The following IGSF10 variants were observed in gnomAD, a reference collection of about 807,000 sequenced individuals.
IGSF10 encodes the protein immunoglobulin superfamily member 10.
Under a neutral mutation model 128.2 loss-of-function variants are expected in IGSF10, and 126 were observed. The ratio of observed to expected loss-of-function variants is 0.98; its 90% CI spans 0.85 to 1.14. The LOEUF (loss-of-function observed/expected upper bound fraction) is 1.14, where lower values mean the gene tolerates loss of function less well. Ranked by LOEUF, IGSF10 falls within the 50% of genes most tolerant of loss-of-function variation. The pLI, the probability that IGSF10 is intolerant of heterozygous loss-of-function variation, is 0.00. For missense variants in IGSF10, 3,295 were observed against 3,149.8 expected (o/e 1.05, Z -1.10); for synonymous variants, 1,185 against 1,146.2 (o/e 1.03, Z -0.68).
the IGSF10 span, among the ~76,000 whole-genome samples, chr3:151,510,173 C>A: frequency 1.3e-5 from 2 of 152,236 alleles, no homozygotes; most frequent in African/African-American, 4.8e-5. Flanking sequence ...GGACAGACTG[C>A]CTCTTCAAGT....
chr3:151,527,442 G>C, the IGSF10 span, among the ~76,000 whole-genome samples: 1 of 152,110 alleles, frequency 6.6e-6, no homozygotes, highest in African/African-American at 2.4e-5. Flanking sequence ...TTATATAGCA[G>C]TGATAAGGCA....
chr3:151,468,753 C>T, the IGSF10 span, among the ~76,000 whole-genome samples: 2 of 152,120 alleles, frequency 1.3e-5, no homozygotes, highest in Admixed American at 6.5e-5. Context: ...ATTTATTTTA[C>T]GTTCCAGGAT....
At chr3:151,518,751 G>A in the IGSF10 span, among the ~76,000 whole-genome samples, 1 of 151,890 alleles carries the variant, frequency 6.6e-6, no homozygotes, top group Non-Finnish European at 1.5e-5. Context: ...CAAAAGTTTT[G>A]TACTGAGAGA....
At chr3:151,527,991 C>T in the IGSF10 span, among the ~76,000 whole-genome samples, 3 of 152,080 alleles carry the variant, frequency 2.0e-5, no homozygotes, top group African/African-American at 7.2e-5. Context: ...ATTTTAACTT[C>T]ATCAATTAAT....
the IGSF10 span, among the ~76,000 whole-genome samples, chr3:151,534,705 A>G: frequency 6.6e-6 from 1 of 152,010 alleles, no homozygotes; most frequent in South Asian, 2.1e-4. Context: ...CCCAATGTAG[A>G]TGACGGGTCA....
downstream of IGSF10, chr3:151,432,902 ATTTC>A: frequency 1.1e-6 from 1 of 900,836 alleles, no homozygotes; most frequent in Non-Finnish European, 1.7e-6. Flanking sequence ...CCTTTTTTTC[ATTTC>A]TTTGACATTT....
chr3:151,472,291 T>C, the IGSF10 span, among the ~76,000 whole-genome samples: 5 of 152,220 alleles, frequency 3.3e-5, no homozygotes, highest in Admixed American at 2.6e-4. Context: ...TGCAATAGTT[T>C]GCATGTTTTC....
the IGSF10 span, among the ~76,000 whole-genome samples, chr3:151,468,099 C>T: frequency 3.9e-5 from 6 of 152,142 alleles, no homozygotes; most frequent in Non-Finnish European, 7.4e-5. Context: ...GGAGTATTTC[C>T]TGCAGGGACT....
chr3:151,451,965 T>TA (rs1371505271), intron 5 of IGSF10, among the ~76,000 whole-genome samples: 5 of 152,182 alleles, frequency 3.3e-5, no homozygotes, highest in African/African-American at 7.2e-5. Flanking sequence ...AAAGGAGTGT[T>TA]ACATTTAACT....
At chr3:151,572,681 A>G in the IGSF10 span, among the ~76,000 whole-genome samples, 9 of 152,026 alleles carry the variant, frequency 5.9e-5, no homozygotes, top group African/African-American at 7.3e-5. Context: ...TTCTGGATTC[A>G]TTAAATTTTT....
At position 151,445,263 on chromosome 3, in the gene IGSF10, T is replaced by C; in HGVS notation, c.4718A>G (p.Asn1573Ser). ...TGAGTATGGTTTGTGCCAAAATTGGTTTTCTGCCCAGGGAGATGGAGTTAA... is the reference window on the plus strand; with the variant it reads ...TGAGTATGGTTTGTGCCAAAATTGGCTTTCTGCCCAGGGAGATGGAGTTAA... ...SKLTPSPWAE[N>S]QFWHKPYSEI... The change falls in exon 6 of 8, where the codon AAC (asparagine) becomes AGC (serine). Residue 1573 changes from asparagine (N) to serine (S), a missense_variant. Transcript: ENST00000282466. The C allele has an allele frequency of 6.2e-7, 1 of 1,614,178 alleles. No homozygotes were observed. Among genetic ancestry groups the C allele is most frequent in the East Asian group, 2.2e-5 (1 of 44,876 alleles).
the IGSF10 span, among the ~76,000 whole-genome samples, chr3:151,527,438 A>C: frequency 6.6e-6 from 1 of 152,216 alleles, no homozygotes; most frequent in Non-Finnish European, 1.5e-5. Flanking sequence ...TTTTTTATAT[A>C]GCAGTGATAA....
the IGSF10 span, among the ~76,000 whole-genome samples, chr3:151,561,789 T>C: frequency 6.6e-6 from 1 of 152,112 alleles, no homozygotes. Flanking sequence ...AACCAAAGTA[T>C]GTGGAAGGCA....
chr3:151,597,570 C>T, the IGSF10 span, among the ~76,000 whole-genome samples: 1 of 152,180 alleles, frequency 6.6e-6, no homozygotes, highest in African/African-American at 2.4e-5. Flanking sequence ...TAGGTTGGCA[C>T]ATAGAAACCC....
the IGSF10 span, among the ~76,000 whole-genome samples, chr3:151,469,400 A>T: frequency 6.6e-6 from 1 of 152,100 alleles, no homozygotes; most frequent in Admixed American, 6.5e-5. Flanking sequence ...GAACCCATCC[A>T]ATTAACATTG....
At chr3:151,534,207 G>A in the IGSF10 span, among the ~76,000 whole-genome samples, 1 of 152,214 alleles carries the variant, frequency 6.6e-6, no homozygotes, top group Non-Finnish European at 1.5e-5. Context: ...CTGTTGGTGG[G>A]AGTGTAAATT....
chr3:151,512,525 T>C, the IGSF10 span, among the ~76,000 whole-genome samples: 4 of 151,892 alleles, frequency 2.6e-5, no homozygotes, highest in African/African-American at 9.7e-5. Flanking sequence ...GATCTAAAAT[T>C]GACACCCTAA....
chr3:151,483,072 AGAT>A, the IGSF10 span, among the ~76,000 whole-genome samples: 356 of 152,336 alleles, frequency 2.3e-3, 2 homozygotes, highest in African/African-American at 8.1e-3. Context: ...GGAAACAAAA[AGAT>A]GATAATTACT....
Position 151,436,754 on chromosome 3 carries a change from A to T in IGSF10, c.7807T>A (p.Tyr2603Asn). The change falls in exon 8 of 8, where the codon TAC (tyrosine) becomes AAC (asparagine). Residue 2603 changes from tyrosine (Y) to asparagine (N), a missense_variant. Coordinates refer to ENST00000282466, the MANE Select transcript of IGSF10 (RefSeq NM_178822.5). Reference protein sequence around the residue: ...QNPQTSDSGIYKCTAKNPLGS... With the variant: ...QNPQTSDSGINKCTAKNPLGS... ...AGTGGGTTCTTTGCTGTGCATTTGT[A>T]TATCCCAGAATCGGAGGTTTGGGGA... is the stretch of plus-strand genomic sequence containing the variant. 1 of 1,614,134 alleles carries T rather than the reference A, an allele frequency of 6.2e-7. No homozygotes were observed. The highest frequency in any genetic ancestry group is 8.5e-7 in the Non-Finnish European group (1 of 1,180,010).
Sources: gnomAD v4.1 joint callset for allele counts (sites outside exome capture counted in the v4.1 genomes callset) on GRCh38, gnomAD v4.1.1 for gene constraint, MANE v1.5 for transcripts, NCBI Gene and HGNC (gene_info 2026-07-23, HGNC 2026-07-21) for gene names.